The following PLA2G12A variants were observed in gnomAD, a reference collection of about 807,000 sequenced individuals.
The protein encoded by PLA2G12A is phospholipase A2 group XIIA.
Under a neutral mutation model 16.0 loss-of-function variants are expected in PLA2G12A, and 11 were observed. The ratio of observed to expected loss-of-function variants is 0.69; its 90% CI spans 0.43 to 1.13. The LOEUF (loss-of-function observed/expected upper bound fraction) is 1.13, where lower values mean the gene tolerates loss of function less well. PLA2G12A is among the 50% of genes most tolerant of loss of function. The probability of loss-of-function intolerance (pLI) is 0.00; values close to 1 mark genes in which losing one functional copy is unlikely to be tolerated. For synonymous variants in PLA2G12A, 77 were observed against 93.8 expected, an observed-to-expected ratio of 0.82 and a Z score of 1.03; for missense variants, 214 against 237.3, an observed-to-expected ratio of 0.90 and a Z score of 0.65.
At chr4:109,729,480 T>G (rs946842947) in intron 1 of PLA2G12A, 122 bp downstream of exon 1, 1 of 1,121,110 alleles carries the variant, frequency 8.9e-7, no homozygotes, top group African/African-American at 1.6e-5. Context: ...GTGGTTAAGT[T>G]TTTCCACAGC....
At chr4:109,721,710 A>G (rs930604056) in intron 1 of PLA2G12A, among the ~76,000 whole-genome samples, 1 of 152,180 alleles carries the variant, frequency 6.6e-6, no homozygotes, top group East Asian at 1.9e-4. Context: ...CTCAAACTTA[A>G]GCTGTCCCTC....
chr4:109,715,157 T>TTG (rs1485991539), intron 3 of PLA2G12A, among the ~76,000 whole-genome samples: 1 of 152,212 alleles, frequency 6.6e-6, no homozygotes, highest in Non-Finnish European at 1.5e-5. Flanking sequence ...ATAGCACTGA[T>TTG]TAATCAGTGT....
chr4:109,714,701 T>A (rs1336637474), intron 3 of PLA2G12A, among the ~76,000 whole-genome samples: 1 of 152,078 alleles, frequency 6.6e-6, no homozygotes, highest in African/African-American at 2.4e-5. Context: ...ATGCATCTTA[T>A]TTTTTGTTTG....
Position 109,713,249 on chromosome 4 carries a change from G to C in PLA2G12A, c.*1128C>G, listed in dbSNP as rs1442307586. The C allele has an allele frequency of 6.6e-6, 1 of 152,194 alleles. No individual in the cohort carries two copies. Among genetic ancestry groups the C allele is most frequent in the Non-Finnish European group, 1.5e-5 (1 of 68,038 alleles). 9.4% of individuals were successfully genotyped at this position (152,194 alleles called of 1,614,324 possible). ...AGGAACATAACTGAGCATTCCAAGA[G>C]ATTGAAAAGTTTTCAACATTCATAG... On this transcript the variant is annotated 3_prime_UTR_variant, in exon 4 of 4. Transcript: ENST00000243501.
rs1344925710 is a variant in PLA2G12A at position 109,722,397 on chromosome 4, A to G, written c.209-3638T>C. Among the ~76,000 whole-genome samples the G allele has an allele frequency of 3.9e-5, 6 of 152,212 alleles. No homozygotes were observed. In the East Asian group the frequency reaches 1.2e-3, roughly 29 times the overall value. ...AAATTCATGTTGAAACCTAATCACC[A>G]ATGTGATGGTATTAGAAGGTGGGAC... On this transcript the variant is annotated intron_variant, in intron 1 of 3. Coordinates refer to ENST00000243501, the MANE Select transcript of PLA2G12A (RefSeq NM_030821.5).
chr4:109,724,750 G>A (rs1170894355), intron 1 of PLA2G12A, among the ~76,000 whole-genome samples: 1 of 152,212 alleles, frequency 6.6e-6, no homozygotes, highest in Non-Finnish European at 1.5e-5. Flanking sequence ...TGGCAAAAAT[G>A]AGAATGGAGG....
At position 109,729,155 on chromosome 4, in the gene PLA2G12A, A is replaced by C. The variant is rs59712566; in HGVS notation, c.208+447T>G. On this transcript the variant is annotated intron_variant, in intron 1 of 3. Coordinates refer to ENST00000243501, the MANE Select transcript of PLA2G12A (RefSeq NM_030821.5). Reference sequence around the variant, plus strand: ...TTGTCTATGGGTTTGCAGAAAAAAAACCATTTAATATCAATTATAGAGAAA... The same window carrying C: ...TTGTCTATGGGTTTGCAGAAAAAAACCCATTTAATATCAATTATAGAGAAA... Among the ~76,000 whole-genome samples the C allele has an allele frequency of 3.7e-3, 561 of 152,280 alleles. 7 individuals are homozygous for C. Among genetic ancestry groups the C allele is most frequent in the East Asian group, 0.014 (75 of 5,182 alleles).
At chr4:109,722,606 G>A (rs1722825408) in intron 1 of PLA2G12A, among the ~76,000 whole-genome samples, 1 of 152,136 alleles carries the variant, frequency 6.6e-6, no homozygotes, top group Non-Finnish European at 1.5e-5. Context: ...GCTAGATCTT[G>A]GACTTCACAG....
intron 1 of PLA2G12A, among the ~76,000 whole-genome samples, chr4:109,724,339 G>A (rs1309390774): frequency 6.6e-6 from 1 of 151,982 alleles, no homozygotes; most frequent in African/African-American, 2.4e-5. Flanking sequence ...TGGTCAGGCT[G>A]GTCTTGAACT....
intron 3 of PLA2G12A, among the ~76,000 whole-genome samples, chr4:109,715,648 A>AT (rs1413141762): frequency 1.3e-5 from 2 of 151,678 alleles, no homozygotes; most frequent in African/African-American, 4.8e-5. Context: ...TAATTTTTGT[A>AT]TTTTTTGTTA....
At chr4:109,717,466 G>T in intron 3 of PLA2G12A, 82 bp downstream of exon 3, 2 of 1,383,990 alleles carry the variant, frequency 1.4e-6, no homozygotes, top group Non-Finnish European at 2.0e-6. Flanking sequence ...GATTTCTATT[G>T]GTAAATCCTA....
intron 1 of PLA2G12A, among the ~76,000 whole-genome samples, chr4:109,729,290 T>C (rs551132133): frequency 6.7e-6 from 1 of 149,878 alleles, no homozygotes; most frequent in South Asian, 2.1e-4. Flanking sequence ...CCATGATTCC[T>C]ACGTCAGTAA....
At chr4:109,726,839 T>C (rs1215400389) in intron 1 of PLA2G12A, among the ~76,000 whole-genome samples, 3 of 151,892 alleles carry the variant, frequency 2.0e-5, no homozygotes, top group African/African-American at 7.3e-5. Context: ...TGGCCAAAAC[T>C]AAGGGAGCAA....
At chr4:109,729,431 C>G (rs1723003009) in intron 1 of PLA2G12A, among the ~76,000 whole-genome samples, 171 bp downstream of exon 1, 1 of 152,076 alleles carries the variant, frequency 6.6e-6, no homozygotes, top group African/African-American at 2.4e-5. Flanking sequence ...CGAACTTGTA[C>G]CCAGCTTGCT....
Position 109,720,574 on chromosome 4 carries a change from CAAAAAAAAAAAAAAAAAA to C in PLA2G12A, c.209-1833_209-1816del, listed in dbSNP as rs61477793. Among the ~76,000 whole-genome samples, 88 of 37,430 alleles carry C rather than the reference CAAAAAAAAAAAAAAAAAA, an allele frequency of 2.4e-3. 1 individual carries two copies. The highest frequency in any genetic ancestry group is 6.1e-3 in the African/African-American group (50 of 8,230). 24.6% of individuals were successfully genotyped at this position (37,430 alleles called of 152,430 possible). A position where few individuals can be genotyped will look rare whatever the true frequency, so the allele number is the denominator to read the frequency against. ...AACATGATGAGACTCTGTCTGTATT[CAAAAAAAAAAAAAAAAAA>C]AAAAAAAAAAAAATATATATATATA... On this transcript the variant is annotated intron_variant, in intron 1 of 3. Coordinates refer to ENST00000243501, the MANE Select transcript of PLA2G12A (RefSeq NM_030821.5).
Position 109,713,445 on chromosome 4 carries a change from C to T in PLA2G12A, c.*932G>A, listed in dbSNP as rs1730770911. On this transcript the variant is annotated 3_prime_UTR_variant, in exon 4 of 4. Transcript: ENST00000243501. ...GTATCAAGCACAAATTTTAGTAAGA[C>T]CACAGTTAGTAAAAGGTTACAGTCT... 1 of 152,084 alleles carries T rather than the reference C, an allele frequency of 6.6e-6. No individual in the cohort carries two copies. Among genetic ancestry groups the T allele is most frequent in the African/African-American group, 2.4e-5 (1 of 41,392 alleles). The allele number at this position is 152,084 out of a possible 1,614,324, so 9.4% of individuals were successfully genotyped here.
rs1026833687 is a variant in PLA2G12A at position 109,729,872 on chromosome 4, C to T, written c.-63G>A. On this transcript the variant is annotated 5_prime_UTR_variant, in exon 1 of 4. Coordinates refer to ENST00000243501, the MANE Select transcript of PLA2G12A (RefSeq NM_030821.5). Reference sequence around the variant, plus strand: ...GCGCGGGGCGCGTCCCCACAGAGTCCCCAGGACGCGCTAGGCAGCGGCGCG... The same window carrying T: ...GCGCGGGGCGCGTCCCCACAGAGTCTCCAGGACGCGCTAGGCAGCGGCGCG... 3 of 1,420,188 alleles carry T rather than the reference C, an allele frequency of 2.1e-6. No individual in the cohort carries two copies. Among genetic ancestry groups the T allele is most frequent in the Admixed American group, 2.6e-5 (1 of 37,930 alleles). The allele number at this position is 1,420,188 out of a possible 1,614,324, so 88.0% of individuals were successfully genotyped here.
In PLA2G12A at chr4:109,710,448, G is replaced by A. The variant is rs1253688272; in HGVS notation, c.*3929C>T. 6.6e-6 allele frequency: 1 copy of A among 152,184 alleles called. No individual in the cohort carries two copies. The highest frequency in any genetic ancestry group is 2.4e-5 in the African/African-American group (1 of 41,450). The allele number at this position is 152,184 out of a possible 1,614,324, so 9.4% of individuals were successfully genotyped here. A position where few individuals can be genotyped will look rare whatever the true frequency, so the allele number is the denominator to read the frequency against. ...AATCACTCTTTTAAATTTAGAGAGA[G>A]TTGGTTTTAGGCTAACAATTTTTTT... On this transcript the variant is annotated 3_prime_UTR_variant, in exon 4 of 4. Transcript: ENST00000243501.
In PLA2G12A at chr4:109,711,253, C is replaced by G. The variant is rs908209357; in HGVS notation, c.*3124G>C. 2 of 152,070 alleles carry G rather than the reference C, an allele frequency of 1.3e-5. No individual in the cohort carries two copies. Among genetic ancestry groups the G allele is most frequent in the African/African-American group, 2.4e-5 (1 of 41,404 alleles). The allele number at this position is 152,070 out of a possible 1,614,324, so 9.4% of individuals were successfully genotyped here. ...ACATATGCATGGATTAATATACATA[C>G]ATATTTCTCAACTCTGCTACAAACA... On this transcript the variant is annotated 3_prime_UTR_variant, in exon 4 of 4. Coordinates refer to ENST00000243501, the MANE Select transcript of PLA2G12A (RefSeq NM_030821.5).
Sources: allele counts gnomAD v4.1 joint callset (sites outside exome capture counted in the v4.1 genomes callset), GRCh38; gene constraint gnomAD v4.1.1; transcripts MANE v1.5; gene names NCBI Gene and HGNC (gene_info 2026-07-23, HGNC 2026-07-21).